MMP17: variants seen among roughly 807,000 people sequenced by gnomAD.
MMP17 encodes matrix metalloproteinase-17.
MMP17 carries 54 observed loss-of-function variants against 49.1 expected under a neutral mutation model. That is an observed-to-expected ratio of 1.10 (90% CI 0.88 to 1.38). MMP17 has a LOEUF of 1.38. Among genes scored for constraint, MMP17 ranks in the 40% most tolerant of loss-of-function variants. The probability of loss-of-function intolerance (pLI) is 0.00; values close to 1 mark genes in which losing one functional copy is unlikely to be tolerated. For missense variants in MMP17, 837 were observed against 853.7 expected, an observed-to-expected ratio of 0.98 and a Z score of 0.24; for synonymous variants, 397 against 383.1, an observed-to-expected ratio of 1.04 and a Z score of -0.42.
chr12:131,845,033 CT>C, intron 6 of MMP17, 84 bp from the exon 7 acceptor site: 3 of 1,392,942 alleles, frequency 2.2e-6, no homozygotes, highest in Non-Finnish European at 3.0e-6. Context: ...TCCCATGCCG[CT>C]CAGGTCAGGG....
chr12:131,839,529 G>A (rs902189594), intron 3 of MMP17, among the ~76,000 whole-genome samples: 6 of 151,902 alleles, frequency 3.9e-5, no homozygotes, highest in Non-Finnish European at 2.9e-5. Flanking sequence ...GCTGGGGGGC[G>A]GTGTTGCAAT....
intron 5 of MMP17, among the ~76,000 whole-genome samples, 154 bp from the exon 6 acceptor site, chr12:131,843,843 G>C (rs1347062317): frequency 6.6e-6 from 1 of 152,158 alleles, no homozygotes; most frequent in African/African-American, 2.4e-5. Context: ...CGTCAGCTCT[G>C]GGGGCAGCAG....
intron 3 of MMP17, among the ~76,000 whole-genome samples, chr12:131,839,806 G>C (rs1259683930): frequency 6.6e-6 from 1 of 152,080 alleles, no homozygotes; most frequent in Non-Finnish European, 1.5e-5. Context: ...AAATTAGCTG[G>C]GTATGGTGAT....
intron 5 of MMP17, 65 bp downstream of exon 5, chr12:131,841,865 C>T: frequency 2.7e-6 from 4 of 1,470,422 alleles, no homozygotes; most frequent in Non-Finnish European, 3.6e-6. Flanking sequence ...CCAGGCACCC[C>T]TGAGCAGAGC....
At chr12:131,837,456 C>G (rs1199325972) in intron 1 of MMP17, among the ~76,000 whole-genome samples, 1 of 152,148 alleles carries the variant, frequency 6.6e-6, no homozygotes, top group Non-Finnish European at 1.5e-5. Context: ...CATGAATGTA[C>G]AGCATGGCCC....
chr12:131,841,580 G>T (rs1222820226), intron 4 of MMP17, 44 bp from the exon 5 acceptor site: 1 of 1,608,180 alleles, frequency 6.2e-7, no homozygotes, highest in Non-Finnish European at 8.5e-7. Context: ...CGCGGGGACA[G>T]GGCCCTTCTT....
At chr12:131,830,868 T>TC (rs1303762380) in intron 1 of MMP17, among the ~76,000 whole-genome samples, 3 of 151,926 alleles carry the variant, frequency 2.0e-5, no homozygotes, top group African/African-American at 7.2e-5. Context: ...GAGCGCACTG[T>TC]CCCCCCGGGG....
At chr12:131,842,182 A>T (rs1412913023) in intron 5 of MMP17, among the ~76,000 whole-genome samples, 1 of 152,164 alleles carries the variant, frequency 6.6e-6, no homozygotes, top group African/African-American at 2.4e-5. Context: ...TGCCTGGGAA[A>T]CCCAAGAGTA....
rs376248968 is a variant in MMP17, at chr12:131,851,124, G to A, written c.1662G>A (p.Ser554=). The A allele has an allele frequency of 2.3e-5, 37 of 1,587,314 alleles. 1 individual carries two copies. The highest frequency in any genetic ancestry group is 1.9e-4 in the South Asian group (17 of 87,642). Residue 554 remains serine, a synonymous_variant, in exon 10 of 10, where the codon TCG becomes TCA. Coordinates refer to ENST00000360564, the MANE Select transcript of MMP17 (RefSeq NM_016155.7). ...APPGQHDQSR[S]EDGYEVCSCT... is the part of the protein sequence containing the mutation. The stretch of plus-strand genomic sequence containing the variant: ...CAGGACAACATGACCAGAGCCGCTC[G>A]GAGGACGGTTACGAGGTCTGCTCAT...
chr12:131,844,943 G>A, intron 6 of MMP17, 175 bp from the exon 7 acceptor site: 3 of 405,522 alleles, frequency 7.4e-6, no homozygotes, highest in South Asian at 8.8e-5. Flanking sequence ...GCCCGCTGAA[G>A]CGGTGGACAG....
Position 131,841,874 on chromosome 12 carries a change from G to C in MMP17, c.883+74G>C, listed in dbSNP as rs984192698. The C allele has an allele frequency of 1.4e-5, 20 of 1,447,578 alleles. No homozygotes were observed. In the Admixed American group the frequency reaches 3.5e-4, roughly 25 times the overall value. 89.7% of individuals were successfully genotyped at this position (1,447,578 alleles called of 1,614,324 possible). ...GAAACCCCAGGCACCCCTGAGCAGA[G>C]CCCCCCCGGGAGGGTTTGCTCTCCC... On this transcript the variant is annotated intron_variant, in intron 5 of 9. Transcript: ENST00000360564.
intron 9 of MMP17, among the ~76,000 whole-genome samples, 161 bp downstream of exon 9, chr12:131,850,220 G>A (rs1358710758): frequency 6.6e-6 from 1 of 152,136 alleles, no homozygotes; most frequent in Non-Finnish European, 1.5e-5. Flanking sequence ...CGACCCTGCA[G>A]GCGTCCCCGA....
intron 1 of MMP17, among the ~76,000 whole-genome samples, chr12:131,834,228 G>A (rs1886962234): frequency 6.6e-6 from 1 of 152,216 alleles, no homozygotes; most frequent in Non-Finnish European, 1.5e-5. Flanking sequence ...TCAGCCAGGG[G>A]GTGGCTGCCG....
At chr12:131,834,175 C>T (rs1886959225) in intron 1 of MMP17, among the ~76,000 whole-genome samples, 1 of 152,180 alleles carries the variant, frequency 6.6e-6, no homozygotes, top group South Asian at 2.1e-4. Context: ...ATGGGAGGAG[C>T]AGGAGAGCGG....
chr12:131,836,249 G>C (rs1887079250), intron 1 of MMP17, among the ~76,000 whole-genome samples: 1 of 152,140 alleles, frequency 6.6e-6, no homozygotes, highest in South Asian at 2.1e-4. Context: ...GGATCTCGGG[G>C]TGTGCAGATC....
At chr12:131,848,828 T>C (rs988849902) in intron 8 of MMP17, among the ~76,000 whole-genome samples, 1 of 152,136 alleles carries the variant, frequency 6.6e-6, no homozygotes, top group Admixed American at 6.5e-5. Context: ...CTCACTTGGG[T>C]TTCCTCTACT....
At chr12:131,850,812 C>G (rs574389096) in intron 9 of MMP17, 113 bp from the exon 10 acceptor site, 1 of 770,478 alleles carries the variant, frequency 1.3e-6, no homozygotes, top group African/African-American at 1.8e-5. Context: ...TGGCCCGACT[C>G]GAGCCCCTTC....
intron 1 of MMP17, among the ~76,000 whole-genome samples, chr12:131,834,294 C>T (rs954982716): frequency 5.3e-5 from 8 of 152,248 alleles, no homozygotes; most frequent in South Asian, 2.1e-4. Context: ...TCCCTCCTCC[C>T]GGCAGCCCCT....
At chr12:131,847,281 C>T (rs550716972) in intron 8 of MMP17, among the ~76,000 whole-genome samples, 47 of 151,674 alleles carry the variant, frequency 3.1e-4, no homozygotes, top group South Asian at 6.3e-4. Context: ...GGCGTGGTGG[C>T]GGGCACCTGT....
Sources: gnomAD v4.1 joint callset for allele counts (sites outside exome capture counted in the v4.1 genomes callset) on GRCh38, gnomAD v4.1.1 for gene constraint, MANE v1.5 for transcripts, NCBI Gene and HGNC (gene_info 2026-07-23, HGNC 2026-07-21) for gene names.